Variants in PCDHA7 observed in about 807,000 individuals in gnomAD.
The protein encoded by PCDHA7 is protocadherin alpha-7.
A neutral mutation model predicts 57.2 loss-of-function variants in PCDHA7; 37 were observed. The ratio of observed to expected loss-of-function variants is 0.65; its 90% CI spans 0.50 to 0.85. The LOEUF (loss-of-function observed/expected upper bound fraction) is 0.85, where lower values mean the gene tolerates loss of function less well. Ranked by LOEUF, PCDHA7 falls within the 40% of genes least tolerant of loss-of-function variation. PCDHA7 has a pLI of 0.00. For synonymous variants in PCDHA7, 553 were observed against 558.8 expected (o/e 0.99, Z 0.15); for missense variants, 1,188 against 1,241.8 (o/e 0.96, Z 0.65).
chr5:140,883,915 G>A, intron 1 of PCDHA7: 1 of 1,613,348 alleles, frequency 6.2e-7, no homozygotes, highest in Non-Finnish European at 8.5e-7. Context: ...GCAGCAACGT[G>A]ACGCTGCAGG....
At position 140,877,565 on chromosome 5, in the gene PCDHA7, T is replaced by C; in HGVS notation, c.2355+40827T>C. On this transcript the variant is annotated intron_variant, in intron 1 of 3. Coordinates refer to ENST00000525929, the MANE Select transcript of PCDHA7 (RefSeq NM_018910.3). ...GAAGCGGCTCTGGTGGATATTAACG[T>C]GTACCTCATCATCGCCATCTGTGCG... 1 of 1,613,742 alleles carries C rather than the reference T, an allele frequency of 6.2e-7. No homozygotes were observed. The highest frequency in any genetic ancestry group is 1.7e-5 in the Admixed American group (1 of 60,024).
At chr5:140,887,982 A>T (rs1372528675) in intron 1 of PCDHA7, among the ~76,000 whole-genome samples, 1 of 152,180 alleles carries the variant, frequency 6.6e-6, no homozygotes, top group African/African-American at 2.4e-5. Flanking sequence ...AATTTATTTT[A>T]CATGTCTCCA....
chr5:140,941,527 G>A (rs1324655767), intron 1 of PCDHA7, among the ~76,000 whole-genome samples: 1 of 151,580 alleles, frequency 6.6e-6, no homozygotes, highest in African/African-American at 2.4e-5. Flanking sequence ...ATCTTGACCA[G>A]GCTGGTCTTG....
intron 1 of PCDHA7, chr5:140,869,678 T>A: frequency 1.9e-6 from 3 of 1,613,496 alleles, no homozygotes; most frequent in East Asian, 4.5e-5. Flanking sequence ...ATTAAAAGAC[T>A]GTCACTTATT....
intron 1 of PCDHA7, chr5:140,929,169 T>C: frequency 6.2e-7 from 1 of 1,614,188 alleles, no homozygotes; most frequent in Non-Finnish European, 8.5e-7. Flanking sequence ...ATCGGGCCTC[T>C]CTGGGACTTG....
chr5:140,943,276 AAG>A (rs1491082610), intron 1 of PCDHA7, among the ~76,000 whole-genome samples: 3,151 of 135,552 alleles, frequency 0.023, 213 homozygotes, highest in African/African-American at 0.087. Flanking sequence ...AAAAAAAAAA[AAG>A]AAAGAAAGAA....
intron 1 of PCDHA7, among the ~76,000 whole-genome samples, chr5:140,899,817 T>C (rs1360189018): frequency 6.6e-6 from 1 of 152,178 alleles, no homozygotes; most frequent in East Asian, 1.9e-4. Flanking sequence ...TTGTTTTGTT[T>C]TTCCTTTTTG....
At chr5:140,968,229 TC>T in intron 1 of PCDHA7, 2 of 1,613,970 alleles carry the variant, frequency 1.2e-6, no homozygotes, top group Non-Finnish European at 1.7e-6. Flanking sequence ...GGTGTGTTGC[TC>T]TGTACTGTGC....
Position 140,927,198 on chromosome 5 carries a change from G to T in PCDHA7, c.2356-51751G>T. On this transcript the variant is annotated intron_variant, in intron 1 of 3. Transcript: ENST00000525929. ...TCTTGACCTACGACCTGGTGCTCGA[G>T]GACCCGCTGGAGCTGCACAAGATTC... 3 of 1,614,162 alleles carry T rather than the reference G, an allele frequency of 1.9e-6. No homozygotes were observed. In the South Asian group the frequency reaches 3.3e-5, roughly 18 times the overall value.
intron 1 of PCDHA7, among the ~76,000 whole-genome samples, chr5:140,973,052 G>C (rs114678656): frequency 0.013 from 2,011 of 152,210 alleles, 55 homozygotes; most frequent in African/African-American, 0.046. Flanking sequence ...TAGTAGATTT[G>C]TCCAACAGTG....
intron 1 of PCDHA7, among the ~76,000 whole-genome samples, chr5:140,937,108 G>A (rs1014984809): frequency 7.3e-5 from 11 of 151,276 alleles, no homozygotes; most frequent in Non-Finnish European, 1.5e-4. Context: ...CGCAGTCTCG[G>A]CTCACTGCAA....
Position 140,850,457 on chromosome 5 carries a change from C to T in PCDHA7, c.2355+13719C>T, listed in dbSNP as rs2041615283. On this transcript the variant is annotated intron_variant, in intron 1 of 3. Transcript: ENST00000525929. ...GCCTACTGGTGCTGGTGAAAGACCA[C>T]GGGGAGCCAGCGCTGACGGCCACGG... is the stretch of plus-strand genomic sequence containing the variant. 8.1e-6 allele frequency: 13 copies of T among 1,597,684 alleles called. 1 individual carries two copies. Among genetic ancestry groups the T allele is most frequent in the Non-Finnish European group, 1.1e-5 (13 of 1,167,628 alleles).
chr5:140,931,215 CAG>C (rs2087377353), intron 1 of PCDHA7, among the ~76,000 whole-genome samples: 1 of 152,106 alleles, frequency 6.6e-6, no homozygotes, highest in East Asian at 1.9e-4. Flanking sequence ...TTTCAGGTAT[CAG>C]AGCACTTAAT....
chr5:140,977,247 A>G (rs528974727), intron 1 of PCDHA7, among the ~76,000 whole-genome samples: 1 of 152,336 alleles, frequency 6.6e-6, no homozygotes, highest in African/African-American at 2.4e-5. Context: ...AATTGGCAAC[A>G]TTTCTCAGCA....
At chr5:140,966,798 C>T in intron 1 of PCDHA7, 1 of 1,537,636 alleles carries the variant, frequency 6.5e-7, no homozygotes, top group Non-Finnish European at 8.7e-7. Context: ...CCTGCGGCGA[C>T]AGAGCATCCA....
In PCDHA7 at chr5:140,968,804, G is replaced by T. The variant is rs147800392; in HGVS notation, c.2356-10145G>T. ...AGCCTCTGTGGCCATTACAGTAGCT[G>T]TGGTGGATAGGGTTTCCAAAATCCT... On this transcript the variant is annotated intron_variant, in intron 1 of 3. Transcript: ENST00000525929. 703 of 1,614,106 alleles carry T rather than the reference G, an allele frequency of 4.4e-4. No homozygotes were observed. The highest frequency in any genetic ancestry group is 5.7e-4 in the Non-Finnish European group (677 of 1,180,052).
chr5:140,985,941 G>T (rs553776294), intron 3 of PCDHA7, among the ~76,000 whole-genome samples: 2 of 151,978 alleles, frequency 1.3e-5, no homozygotes, highest in South Asian at 4.1e-4. Flanking sequence ...GGGTTTCACT[G>T]TGTTAGCCAG....
At chr5:140,968,125 T>G in intron 1 of PCDHA7, 2 of 1,614,174 alleles carry the variant, frequency 1.2e-6, no homozygotes, top group South Asian at 2.2e-5. Flanking sequence ...CATCCCTGCG[T>G]ACACTGAAGG....
At chr5:140,968,659 C>A (rs781863651) in intron 1 of PCDHA7, 6 of 1,614,160 alleles carry the variant, frequency 3.7e-6, no homozygotes, top group East Asian at 2.2e-5. Context: ...CTGACCTGGA[C>A]CTCTTTAAGG....
Sources: gnomAD v4.1 joint callset for allele counts (sites outside exome capture counted in the v4.1 genomes callset) on GRCh38, gnomAD v4.1.1 for gene constraint, MANE v1.5 for transcripts, NCBI Gene and HGNC (gene_info 2026-07-23, HGNC 2026-07-21) for gene names.